RNF41: variants seen among roughly 807,000 people sequenced by gnomAD.
The protein encoded by RNF41 is ring finger protein 41, also known as E3 ubiquitin-protein ligase NRDP1.
In RNF41, 4 loss-of-function variants were observed where a neutral mutation model predicts 33.0. The ratio of observed to expected loss-of-function variants is 0.12; its 90% CI spans 0.06 to 0.28. RNF41 has a LOEUF of 0.28. Ranked by LOEUF, RNF41 falls within the 10% of genes least tolerant of loss-of-function variation. The pLI is 1.00. For synonymous variants in RNF41, 164 were observed against 153.2 expected (o/e 1.07, Z -0.52); for missense variants, 228 against 432.6 (o/e 0.53, Z 4.19).
rs1428241996 is a variant in RNF41, at chr12:56,203,041, CAG to C, written c.*3404_*3405del. On this transcript the variant is annotated 3_prime_UTR_variant, in exon 7 of 7. Coordinates refer to ENST00000345093, the MANE Select transcript of RNF41 (RefSeq NM_005785.4). ...AACATACCTTGTGTGCATAGAAGCG[CAG>C]ACTCAGCACAGAAATGCCTTTTTTT... 2 of 136,480 alleles carry C rather than the reference CAG, an allele frequency of 1.5e-5. No individual in the cohort carries two copies. The highest frequency in any genetic ancestry group is 1.7e-4 in the Admixed American group (2 of 11,954). 8.5% of individuals were successfully genotyped at this position (136,480 alleles called of 1,614,324 possible). A position where few individuals can be genotyped will look rare whatever the true frequency, so the allele number is the denominator to read the frequency against.
At chr12:56,207,898 C>A in intron 5 of RNF41, 149 bp from the exon 6 acceptor site, 1 of 756,320 alleles carries the variant, frequency 1.3e-6, no homozygotes, top group Non-Finnish European at 2.3e-6. Context: ...GTCTCACTCA[C>A]AGCTGTCTCC....
At chr12:56,209,770 A>C (rs1868359106) in intron 4 of RNF41, among the ~76,000 whole-genome samples, 1 of 152,138 alleles carries the variant, frequency 6.6e-6, no homozygotes, top group Non-Finnish European at 1.5e-5. Flanking sequence ...CACCTGGCTA[A>C]TTTTTGTATT....
At chr12:56,215,717 C>CAAA (rs58103466) in intron 2 of RNF41, among the ~76,000 whole-genome samples, 18 of 74,474 alleles carry the variant, frequency 2.4e-4, no homozygotes, top group African/African-American at 6.7e-4. Context: ...GACTCTGTCT[C>CAAA]AAAAAAAAAA....
chr12:56,215,095 C>T (rs1404672543), intron 2 of RNF41, among the ~76,000 whole-genome samples: 2 of 152,092 alleles, frequency 1.3e-5, no homozygotes, highest in Admixed American at 6.6e-5. Flanking sequence ...TAAAATAGCA[C>T]ATCCAAATGC....
Position 56,206,337 on chromosome 12 carries a change from C to T in RNF41, c.*110G>A. ...GCCAGAAGGGCAGGGAGATGTGTGG[C>T]TCAGGTATAAGCCACAGTATTAAGA... On this transcript the variant is annotated 3_prime_UTR_variant, in exon 7 of 7. Coordinates refer to ENST00000345093, the MANE Select transcript of RNF41 (RefSeq NM_005785.4). The surrounding 1 kb of genome is among the most constrained non-coding windows in gnomAD (Gnocchi z 5.7). 1 of 963,666 alleles carries T rather than the reference C, an allele frequency of 1.0e-6. No homozygotes were observed. The highest frequency in any genetic ancestry group is 1.6e-6 in the Non-Finnish European group (1 of 639,764). The allele number at this position is 963,666 out of a possible 1,614,324, so 59.7% of individuals were successfully genotyped here.
At chr12:56,213,745 G>T (rs1277108739) in intron 3 of RNF41, among the ~76,000 whole-genome samples, 1 of 152,096 alleles carries the variant, frequency 6.6e-6, no homozygotes, top group Non-Finnish European at 1.5e-5. Flanking sequence ...AAAAAAATCT[G>T]AACCACTGGA....
At chr12:56,210,152 C>T (rs1463522617) in intron 4 of RNF41, 145 bp downstream of exon 4, 1 of 790,622 alleles carries the variant, frequency 1.3e-6, no homozygotes, top group Non-Finnish European at 2.0e-6. Flanking sequence ...AAAGTAAGAT[C>T]TTAGAGCAGG....
At chr12:56,214,414 G>A (rs1868705382) in intron 2 of RNF41, among the ~76,000 whole-genome samples, 1 of 151,766 alleles carries the variant, frequency 6.6e-6, no homozygotes, top group South Asian at 2.1e-4. Context: ...CAGCTACTCG[G>A]GAGGCTGAGG....
intron 3 of RNF41, chr12:56,213,065 G>A (rs971330973): frequency 7.8e-7 from 1 of 1,289,496 alleles, no homozygotes; most frequent in African/African-American, 1.5e-5. Flanking sequence ...GGCAAGGCTG[G>A]CAGAGAAATG....
chr12:56,207,724 G>A lies in RNF41; in HGVS notation c.524C>T (p.Ala175Val), dbSNP rs1418149795. 6.2e-7 allele frequency: 1 copy of A among 1,613,902 alleles called. No homozygotes were observed. Among genetic ancestry groups the A allele is most frequent in the Non-Finnish European group, 8.5e-7 (1 of 1,179,872 alleles). Residue 175 changes from alanine to valine, a missense_variant, in exon 6 of 7, where the codon GCA becomes GTA. By Grantham distance (64) the Ala-to-Val change is moderately conservative (BLOSUM62 0). Transcript: ENST00000345093. Reference sequence around the variant, plus strand: ...GACACTGCGGATTGCACGCATGTATGCCTTTAGCAGCTGGATGTCTCGCTT... The same window carrying A: ...GACACTGCGGATTGCACGCATGTATACCTTTAGCAGCTGGATGTCTCGCTT... ...EQKRDIQLLK[A>V]YMRAIRSVNP...
At position 56,206,790 on chromosome 12, in the gene RNF41, T is replaced by C; in HGVS notation, c.611A>G (p.Asn204Ser). ...GGTCACTCTTGCTGGCTGAAGGGAG[T>C]TCACCCACCTGTGTGGAGGTGGTTA... ...IEYNEILEWV[N>S]SLQPARVTRW... Residue 204 changes from asparagine (N) to serine (S), a missense_variant, in exon 7 of 7, where the codon AAC becomes AGC. Around this residue, in one of 2 missense-constraint regions of RNF41, gnomAD observed 199 missense variants for 334.6 expected, o/e 0.59. Transcript: ENST00000345093. This position sits in a 1 kb window ranked among gnomAD's most constrained non-coding sequence, Gnocchi z 5.7. The C allele has an allele frequency of 6.2e-7, 1 of 1,611,924 alleles. No homozygotes were observed. Among genetic ancestry groups the C allele is most frequent in the South Asian group, 1.1e-5 (1 of 90,958 alleles).
chr12:56,213,157 GA>G, intron 3 of RNF41: 1 of 1,270,136 alleles, frequency 7.9e-7, no homozygotes, highest in Non-Finnish European at 1.0e-6. Flanking sequence ...TAGATCCCAG[GA>G]AAAAAATAGG....
chr12:56,217,140 A>T (rs1240244198), intron 1 of RNF41, among the ~76,000 whole-genome samples: 2 of 138,800 alleles, frequency 1.4e-5, no homozygotes, highest in Non-Finnish European at 1.6e-5. Flanking sequence ...ACTCCGTCTT[A>T]AAAAAAAAAA....
chr12:56,209,069 T>C (rs1868339178), intron 4 of RNF41, among the ~76,000 whole-genome samples: 1 of 151,508 alleles, frequency 6.6e-6, no homozygotes, highest in African/African-American at 2.4e-5. Context: ...TTCACCATGT[T>C]GGCCACGCTG....
chr12:56,213,606 C>G (rs998113589), intron 3 of RNF41, among the ~76,000 whole-genome samples: 2 of 152,102 alleles, frequency 1.3e-5, no homozygotes, highest in Admixed American at 1.3e-4. Flanking sequence ...TCCAGAAGTT[C>G]AATCACGGAC....
At chr12:56,219,843 T>C (rs929775528) in intron 1 of RNF41, among the ~76,000 whole-genome samples, 3 of 150,784 alleles carry the variant, frequency 2.0e-5, no homozygotes, top group Non-Finnish European at 4.4e-5. Flanking sequence ...AGTGAAACCT[T>C]GTCTCTACAA....
In RNF41 at chr12:56,203,898, G is replaced by C. The variant is rs1267123174; in HGVS notation, c.*2549C>G. ...TTTTTTGTATTTTTAGTAGAGACGGGGTTTCACTGTGTTAGCCAGGATGGT... is the reference window on the plus strand; with the variant it reads ...TTTTTTGTATTTTTAGTAGAGACGGCGTTTCACTGTGTTAGCCAGGATGGT... On this transcript the variant is annotated 3_prime_UTR_variant, in exon 7 of 7. Transcript: ENST00000345093. 2.0e-5 allele frequency: 3 copies of C among 147,866 alleles called. No homozygotes were observed. The East Asian group carries it at 5.9e-4, about 29-fold the overall frequency. 9.2% of individuals were successfully genotyped at this position (147,866 alleles called of 1,614,324 possible). A position where few individuals can be genotyped will look rare whatever the true frequency, so the allele number is the denominator to read the frequency against.
intron 4 of RNF41, chr12:56,210,021 G>T (rs1404424108): frequency 4.4e-6 from 2 of 457,728 alleles, no homozygotes; most frequent in Non-Finnish European, 8.0e-6. Flanking sequence ...AGTAGTATTG[G>T]ACTGAAAGGG....
At position 56,204,353 on chromosome 12, in the gene RNF41, G is replaced by A. The variant is rs1878741137; in HGVS notation, c.*2094C>T. ...GGGTACATGGGAAAGCAGCTGTGAA[G>A]TGCACACTACTCCCAGACATCCTCC... On this transcript the variant is annotated 3_prime_UTR_variant, in exon 7 of 7. Transcript: ENST00000345093. 6.6e-6 allele frequency: 1 copy of A among 152,204 alleles called. No homozygotes were observed. Among genetic ancestry groups the A allele is most frequent in the Non-Finnish European group, 1.5e-5 (1 of 68,074 alleles). The allele number at this position is 152,204 out of a possible 1,614,324, so 9.4% of individuals were successfully genotyped here.
Sources: allele counts gnomAD v4.1 joint callset (sites outside exome capture counted in the v4.1 genomes callset), GRCh38; gene constraint gnomAD v4.1.1; regional missense constraint gnomAD v4.1.1; non-coding constraint Gnocchi (gnomAD v3.1); transcripts MANE v1.5; gene names NCBI Gene and HGNC (gene_info 2026-07-23, HGNC 2026-07-21).